MEF2A: variants seen among roughly 807,000 people sequenced by gnomAD.
MEF2A encodes the protein myocyte-specific enhancer factor 2A.
In MEF2A, 28 loss-of-function variants were observed where a neutral mutation model predicts 55.8. That is an observed-to-expected ratio of 0.50 (90% confidence interval 0.37 to 0.69). MEF2A has a LOEUF of 0.69. Among genes scored for constraint, MEF2A ranks in the 30% least tolerant of loss-of-function variants. MEF2A has a pLI of 0.00. For synonymous variants in MEF2A, 239 were observed against 227.1 expected, an observed-to-expected ratio of 1.05 and a Z score of -0.47; for missense variants, 528 against 626.2, an observed-to-expected ratio of 0.84 and a Z score of 1.67.
chr15:99,676,579 T>G (rs975542605), intron 7 of MEF2A, among the ~76,000 whole-genome samples: 2 of 151,244 alleles, frequency 1.3e-5, no homozygotes, highest in African/African-American at 4.8e-5. Context: ...CAGTTTTGTT[T>G]TTTTTTTTTT....
chr15:99,665,745 A>AAAAAAAAAAAAC (rs2049530154), intron 4 of MEF2A, among the ~76,000 whole-genome samples: 1 of 150,482 alleles, frequency 6.6e-6, no homozygotes, highest in Non-Finnish European at 1.5e-5. Context: ...AAAAAAAAAA[A>AAAAAAAAAAAAC]AAAAAAAAAA....
At chr15:99,689,789 G>C (rs776472110) in intron 7 of MEF2A, among the ~76,000 whole-genome samples, 10 of 152,022 alleles carry the variant, frequency 6.6e-5, no homozygotes, top group Non-Finnish European at 1.2e-4. Context: ...CCAGAAATGT[G>C]TTGTGTGTTA....
At chr15:99,689,032 A>G (rs1033752683) in intron 7 of MEF2A, among the ~76,000 whole-genome samples, 1 of 152,222 alleles carries the variant, frequency 6.6e-6, no homozygotes, top group African/African-American at 2.4e-5. Flanking sequence ...TACAGTATTC[A>G]TGAAAACAGG....
chr15:99,592,197 G>A (rs1335143878), intron 1 of MEF2A, among the ~76,000 whole-genome samples: 4 of 152,210 alleles, frequency 2.6e-5, no homozygotes, highest in East Asian at 1.9e-4. Context: ...AGGTTAGCAC[G>A]CGGCGGTGCT....
intron 8 of MEF2A, among the ~76,000 whole-genome samples, chr15:99,699,795 T>A (rs1311277557): frequency 6.6e-6 from 1 of 151,912 alleles, no homozygotes; most frequent in Non-Finnish European, 1.5e-5. Flanking sequence ...TATAAATAAA[T>A]ATAAAATGTA....
intron 2 of MEF2A, among the ~76,000 whole-genome samples, chr15:99,616,519 A>G (rs1002075229): frequency 4.6e-5 from 7 of 152,264 alleles, no homozygotes; most frequent in Admixed American, 4.6e-4. Context: ...CAGAGTTAAG[A>G]CTCATCTTAC....
intron 2 of MEF2A, among the ~76,000 whole-genome samples, chr15:99,618,395 A>G (rs776850618): frequency 1.3e-5 from 2 of 152,182 alleles, no homozygotes; most frequent in Non-Finnish European, 2.9e-5. Context: ...GTGATATATA[A>G]TCCTGAATTG....
rs2059123330 is a variant in MEF2A at position 99,716,044 on chromosome 15, A to G, written c.*3273A>G. ...AAATACATAGTAAATAAGGAAGCTG[A>G]AAACTCCTGGCATTGGATCTTAAGC... On this transcript the variant is annotated 3_prime_UTR_variant, in exon 12 of 12. Transcript: ENST00000557942. 6 of 156,030 alleles carry G rather than the reference A, an allele frequency of 3.8e-5. No individual in the cohort carries two copies. The highest frequency in any genetic ancestry group is 3.1e-4 in the Admixed American group (5 of 15,948). The allele number at this position is 156,030 out of a possible 1,614,324, so 9.7% of individuals were successfully genotyped here. A position where few individuals can be genotyped will look rare whatever the true frequency, so the allele number is the denominator to read the frequency against.
At chr15:99,678,517 C>G in intron 7 of MEF2A, 2 of 380,762 alleles carry the variant, frequency 5.3e-6, no homozygotes, top group Non-Finnish European at 7.2e-6. Context: ...ACCTTTAAAC[C>G]ATATCATTTT....
At chr15:99,706,512 A>G (rs145945106) in intron 9 of MEF2A, 3 of 520,964 alleles carry the variant, frequency 5.8e-6, no homozygotes, top group Admixed American at 3.2e-5. Context: ...GGTGTCTGAC[A>G]CTAATCAACT....
intron 10 of MEF2A, among the ~76,000 whole-genome samples, chr15:99,709,946 C>A (rs2058440391): frequency 6.6e-6 from 1 of 152,206 alleles, no homozygotes; most frequent in Non-Finnish European, 1.5e-5. Flanking sequence ...TGTAGGGATT[C>A]TGTCTTTCCT....
At chr15:99,612,152 A>G (rs2039373413) in intron 2 of MEF2A, among the ~76,000 whole-genome samples, 1 of 152,204 alleles carries the variant, frequency 6.6e-6, no homozygotes, top group Non-Finnish European at 1.5e-5. Context: ...GCAGTGGCTC[A>G]CACCTGTAAT....
At chr15:99,670,294 T>C (rs1028072475) in intron 4 of MEF2A, among the ~76,000 whole-genome samples, 2 of 152,154 alleles carry the variant, frequency 1.3e-5, no homozygotes, top group Non-Finnish European at 2.9e-5. Context: ...CCAGGAGATA[T>C]TTTAATGGCA....
At chr15:99,572,569 A>G (rs1344857042) in intron 1 of MEF2A, among the ~76,000 whole-genome samples, 2 of 152,252 alleles carry the variant, frequency 1.3e-5, no homozygotes, top group African/African-American at 4.8e-5. Context: ...ATCCCCAGGC[A>G]TTAGCATGCC....
chr15:99,687,502 G>A (rs2054519471), intron 7 of MEF2A, among the ~76,000 whole-genome samples: 1 of 152,208 alleles, frequency 6.6e-6, no homozygotes, highest in Non-Finnish European at 1.5e-5. Context: ...CCCTGAAGCT[G>A]TGGATTATCC....
intron 4 of MEF2A, among the ~76,000 whole-genome samples, chr15:99,670,291 A>T (rs2050606645): frequency 1.3e-5 from 2 of 152,178 alleles, no homozygotes; most frequent in Admixed American, 1.3e-4. Flanking sequence ...AATCCAGGAG[A>T]TATTTTAATG....
At chr15:99,686,639 A>C (rs955818317) in intron 7 of MEF2A, among the ~76,000 whole-genome samples, 1 of 152,164 alleles carries the variant, frequency 6.6e-6, no homozygotes. Context: ...TTTGCCTCTC[A>C]GCTCTTAAGA....
At chr15:99,567,075 A>C (rs1959972140) in intron 1 of MEF2A, among the ~76,000 whole-genome samples, 1 of 152,262 alleles carries the variant, frequency 6.6e-6, no homozygotes. Context: ...TAAAAGTGTA[A>C]CTATAGAATT....
At chr15:99,622,326 A>G (rs1207081542) in intron 2 of MEF2A, among the ~76,000 whole-genome samples, 2 of 152,206 alleles carry the variant, frequency 1.3e-5, no homozygotes, top group African/African-American at 4.8e-5. Flanking sequence ...CTAGGAAAAG[A>G]TAACATTAGT....
Sources: gnomAD v4.1 joint callset for allele counts (sites outside exome capture counted in the v4.1 genomes callset) on GRCh38, gnomAD v4.1.1 for gene constraint, MANE v1.5 for transcripts, NCBI Gene and HGNC (gene_info 2026-07-23, HGNC 2026-07-21) for gene names.